Variants in GLRA1 observed in about 807,000 individuals in gnomAD.
GLRA1 encodes glycine receptor subunit alpha-1.
In GLRA1, 37 loss-of-function variants were observed where a neutral mutation model predicts 48.3. The observed-to-expected ratio is 0.77, with a 90% confidence interval of 0.59 to 1.01. The LOEUF is 1.01. GLRA1 is among the 50% of genes least tolerant of loss of function. The pLI is 0.00. For missense variants in GLRA1, 427 were observed against 571.0 expected (o/e 0.75, Z 2.57); for synonymous variants, 196 against 210.7 (o/e 0.93, Z 0.60).
At chr5:151,921,404 A>C (rs948222607) in intron 1 of GLRA1, among the ~76,000 whole-genome samples, 1 of 152,244 alleles carries the variant, frequency 6.6e-6, no homozygotes, top group East Asian at 1.9e-4. Context: ...TATATTTGGC[A>C]AGGTCTGGAG....
intron 7 of GLRA1, among the ~76,000 whole-genome samples, chr5:151,831,529 G>A (rs1208064780): frequency 6.6e-6 from 1 of 152,184 alleles, no homozygotes; most frequent in African/African-American, 2.4e-5. Flanking sequence ...AAACAAAGCT[G>A]CCAGGAAGTT....
At chr5:151,851,676 C>G in intron 6 of GLRA1, 72 bp from the exon 7 acceptor site, 2 of 1,006,440 alleles carry the variant, frequency 2.0e-6, no homozygotes, top group South Asian at 1.3e-5. Flanking sequence ...TTAGAACAAC[C>G]TCGGCTAGAG....
intron 7 of GLRA1, among the ~76,000 whole-genome samples, chr5:151,840,094 ATACT>A (rs1206879995): frequency 7.4e-6 from 1 of 135,860 alleles, no homozygotes; most frequent in Non-Finnish European, 1.6e-5. Context: ...ACGCTAGAAA[ATACT>A]GTTTTTTTTT....
At chr5:151,830,366 G>A (rs1445454967) in intron 7 of GLRA1, among the ~76,000 whole-genome samples, 1 of 152,206 alleles carries the variant, frequency 6.6e-6, no homozygotes, top group Admixed American at 6.5e-5. Context: ...AGGCAGTTGG[G>A]GCAAAATAAT....
intron 3 of GLRA1, among the ~76,000 whole-genome samples, chr5:151,883,907 G>T (rs1042937034): frequency 6.6e-6 from 1 of 152,168 alleles, no homozygotes; most frequent in Non-Finnish European, 1.5e-5. Context: ...AGTGAAGTCT[G>T]GAAAGGTAGT....
intron 3 of GLRA1, among the ~76,000 whole-genome samples, chr5:151,862,206 G>A (rs1581625979): frequency 6.6e-6 from 1 of 152,292 alleles, no homozygotes; most frequent in Admixed American, 6.5e-5. Flanking sequence ...AATAAATGGT[G>A]CTGGGAAAAC....
chr5:151,885,267 A>T (rs1223639334), intron 3 of GLRA1, among the ~76,000 whole-genome samples: 3 of 152,242 alleles, frequency 2.0e-5, no homozygotes, highest in Admixed American at 2.0e-4. Flanking sequence ...AGTATCTGTT[A>T]TTGAATCACT....
In GLRA1 at chr5:151,856,297, T is replaced by TCA; in HGVS notation, c.559+2_559+3dup. 4 of 1,601,322 alleles carry TCA rather than the reference T, an allele frequency of 2.5e-6. No homozygotes were observed. The highest frequency in any genetic ancestry group is 3.4e-6 in the Non-Finnish European group (4 of 1,168,858). ...TTTCTAGAGGACTCATGCAAGACAC[T>TCA]CACAGCTTTCCAGTTGCATGATACA... On this transcript the variant is annotated splice_donor_region_variant and intron_variant, in intron 5 of 8. Coordinates refer to ENST00000274576, the MANE Select transcript of GLRA1 (RefSeq NM_000171.4).
chr5:151,822,727 C>A lies in GLRA1; in HGVS notation c.1296G>T (p.Met432Ile), dbSNP rs141039714. The A allele has an allele frequency of 5.2e-5, 84 of 1,613,896 alleles. No homozygotes were observed. In the African/African-American group the frequency reaches 8.5e-4, roughly 16 times the overall value. Reference protein sequence around the residue: ...GFPMAFLIFNMFYWIIYKIVR... With the variant: ...GFPMAFLIFNIFYWIIYKIVR... ...CAATCTTGTAGATGATCCAGTAGAACATGTTGAAAATGAGGAAGGCCATGG... is the reference window on the plus strand; with the variant it reads ...CAATCTTGTAGATGATCCAGTAGAAAATGTTGAAAATGAGGAAGGCCATGG... Residue 432 changes from methionine to isoleucine, a missense_variant, in exon 9 of 9, where the codon ATG (methionine) becomes ATT (isoleucine). Met to Ile is a conservative substitution (Grantham distance 10). Coordinates refer to ENST00000274576, the MANE Select transcript of GLRA1 (RefSeq NM_000171.4).
chr5:151,839,066 C>G (rs1318847217), intron 7 of GLRA1, among the ~76,000 whole-genome samples: 1 of 152,208 alleles, frequency 6.6e-6, no homozygotes, highest in African/African-American at 2.4e-5. Flanking sequence ...CAGTTGTATT[C>G]TCATTAACAC....
intron 3 of GLRA1, among the ~76,000 whole-genome samples, chr5:151,873,682 AG>A (rs1389455042): frequency 6.8e-6 from 1 of 147,610 alleles, no homozygotes; most frequent in Admixed American, 6.7e-5. Context: ...AAAAAAAAAA[AG>A]GTTTACCTTA....
Position 151,869,693 on chromosome 5 carries a change from C to T in GLRA1, c.253-9685G>A, listed in dbSNP as rs1027447007. 4.0e-5 allele frequency among the ~76,000 whole-genome samples: 6 copies of T among 149,492 alleles called. 1 individual carries two copies. The highest frequency in any genetic ancestry group is 1.9e-4 in the East Asian group (1 of 5,136). The stretch of plus-strand genomic sequence containing the variant: ...TTGTGCTACTGCACTCCAGCTGGGG[C>T]GACAGAGCGAGACTCCACCTCAAAA... On this transcript the variant is annotated intron_variant, in intron 3 of 8. Coordinates refer to ENST00000274576, the MANE Select transcript of GLRA1 (RefSeq NM_000171.4).
chr5:151,909,484 G>A (rs1754555676), intron 1 of GLRA1, among the ~76,000 whole-genome samples: 1 of 152,148 alleles, frequency 6.6e-6, no homozygotes, highest in Non-Finnish European at 1.5e-5. Flanking sequence ...TTTTCTCCCA[G>A]GTAGTGTTTA....
chr5:151,891,435 T>G (rs1342689654), intron 2 of GLRA1, among the ~76,000 whole-genome samples: 1 of 152,148 alleles, frequency 6.6e-6, no homozygotes, highest in African/African-American at 2.4e-5. Context: ...TTATTTGAAT[T>G]TACATGTTTT....
chr5:151,899,718 G>T (rs986186231), intron 1 of GLRA1, among the ~76,000 whole-genome samples: 1 of 152,090 alleles, frequency 6.6e-6, no homozygotes, highest in Non-Finnish European at 1.5e-5. Flanking sequence ...GCTTAGGCTG[G>T]CCAGGGAGTG....
intron 7 of GLRA1, among the ~76,000 whole-genome samples, chr5:151,844,780 C>T (rs1752623838): frequency 6.6e-6 from 1 of 151,856 alleles, no homozygotes; most frequent in Non-Finnish European, 1.5e-5. Context: ...AGTCTTAGTC[C>T]ATTTTGTGTT....
chr5:151,884,574 G>A (rs916772873), intron 3 of GLRA1, among the ~76,000 whole-genome samples: 2 of 152,178 alleles, frequency 1.3e-5, no homozygotes, highest in African/African-American at 2.4e-5. Flanking sequence ...TAAGCTCCTC[G>A]TAGACAGAGT....
intron 6 of GLRA1, 72 bp from the exon 7 acceptor site, chr5:151,851,676 C>T: frequency 3.0e-6 from 3 of 1,006,440 alleles, no homozygotes; most frequent in Non-Finnish European, 4.8e-6. Flanking sequence ...TTAGAACAAC[C>T]TCGGCTAGAG....
chr5:151,859,742 A>C (rs779404967), intron 4 of GLRA1, 43 bp downstream of exon 4: 3 of 1,381,414 alleles, frequency 2.2e-6, no homozygotes, highest in Non-Finnish European at 3.1e-6. Flanking sequence ...GTGGGGCAAG[A>C]CATGTTCTGA....
Sources: allele counts gnomAD v4.1 joint callset (sites outside exome capture counted in the v4.1 genomes callset), GRCh38; gene constraint gnomAD v4.1.1; transcripts MANE v1.5; gene names NCBI Gene and HGNC (gene_info 2026-07-23, HGNC 2026-07-21).